GALNT17: variants seen among roughly 807,000 people sequenced by gnomAD.
GALNT17 encodes UDP-GalNAc:polypeptide N-acetylgalactosaminyltransferase-like 3.
GALNT17 carries 29 observed loss-of-function variants against 63.7 expected under a neutral mutation model. The observed-to-expected ratio is 0.46, with a 90% confidence interval of 0.34 to 0.62. The LOEUF (loss-of-function observed/expected upper bound fraction) is 0.62, where lower values mean the gene tolerates loss of function less well. Among genes scored for constraint, GALNT17 ranks in the 20% least tolerant of loss-of-function variants. The pLI is 0.01. For missense variants in GALNT17, 603 were observed against 799.6 expected, an observed-to-expected ratio of 0.75 and a Z score of 2.97; for synonymous variants, 305 against 318.3, an observed-to-expected ratio of 0.96 and a Z score of 0.45.
intron 5 of GALNT17, among the ~76,000 whole-genome samples, chr7:71,544,947 C>T (rs1395787264): frequency 6.6e-6 from 1 of 151,218 alleles, no homozygotes; most frequent in Non-Finnish European, 1.5e-5. Context: ...ATAAATTAAA[C>T]TTGAAAGCTT....
chr7:71,277,019 G>A (rs145859850), intron 1 of GALNT17, among the ~76,000 whole-genome samples: 5 of 151,896 alleles, frequency 3.3e-5, no homozygotes, highest in Admixed American at 1.3e-4. Context: ...AATAAATAAA[G>A]AAATAAATTA....
intron 1 of GALNT17, among the ~76,000 whole-genome samples, chr7:71,326,107 G>A (rs1036437819): frequency 5.9e-5 from 9 of 151,848 alleles, no homozygotes; most frequent in African/African-American, 1.7e-4. Flanking sequence ...ATTTTAGAAC[G>A]TTTTATTGTG....
At chr7:71,200,105 G>A (rs555112293) in intron 1 of GALNT17, among the ~76,000 whole-genome samples, 81 of 152,140 alleles carry the variant, frequency 5.3e-4, no homozygotes, top group African/African-American at 1.9e-3. Context: ...ACCTTTTGTT[G>A]AAAATCAATT....
At chr7:71,199,166 G>A (rs1444718793) in intron 1 of GALNT17, among the ~76,000 whole-genome samples, 1 of 152,156 alleles carries the variant, frequency 6.6e-6, no homozygotes, top group African/African-American at 2.4e-5. Context: ...CTTTGATTAG[G>A]TGGCCAAGGG....
chr7:71,361,481 CTTCAA>C (rs1792400223), intron 2 of GALNT17, among the ~76,000 whole-genome samples: 2 of 152,108 alleles, frequency 1.3e-5, no homozygotes, highest in African/African-American at 4.8e-5. Context: ...GGAAAGTCAT[CTTCAA>C]TTCAGTTCAA....
intron 3 of GALNT17, among the ~76,000 whole-genome samples, chr7:71,396,427 T>C (rs1793141148): frequency 6.6e-6 from 1 of 152,210 alleles, no homozygotes. Flanking sequence ...CAACTTACTG[T>C]AAATATGAGG....
At chr7:71,273,424 T>C (rs1790628241) in intron 1 of GALNT17, among the ~76,000 whole-genome samples, 1 of 152,248 alleles carries the variant, frequency 6.6e-6, no homozygotes. Flanking sequence ...TAATGAAATA[T>C]CGGCTAGATT....
chr7:71,298,499 G>A (rs941104912), intron 1 of GALNT17, among the ~76,000 whole-genome samples: 2 of 152,090 alleles, frequency 1.3e-5, no homozygotes, highest in African/African-American at 4.8e-5. Context: ...GGGCATGGAC[G>A]CGAGTCTTAC....
chr7:71,258,090 C>T (rs1790320559), intron 1 of GALNT17, among the ~76,000 whole-genome samples: 1 of 152,218 alleles, frequency 6.6e-6, no homozygotes, highest in Admixed American at 6.5e-5. Context: ...CACCCTCTTC[C>T]TTAATGGCTG....
chr7:71,308,775 G>A (rs999300954), intron 1 of GALNT17, among the ~76,000 whole-genome samples: 2 of 146,078 alleles, frequency 1.4e-5, no homozygotes, highest in African/African-American at 5.1e-5. Flanking sequence ...ACAGAGTCAA[G>A]CTCTGTTGCC....
chr7:71,494,874 G>A (rs548447285), intron 5 of GALNT17, among the ~76,000 whole-genome samples: 6 of 152,304 alleles, frequency 3.9e-5, no homozygotes, highest in South Asian at 2.1e-4. Flanking sequence ...GGGAACTCCC[G>A]TTTATACAAC....
intron 1 of GALNT17, among the ~76,000 whole-genome samples, chr7:71,214,189 T>G (rs2116400031): frequency 6.6e-6 from 1 of 152,352 alleles, no homozygotes; most frequent in South Asian, 2.1e-4. Context: ...GAAGTGAAAT[T>G]TGTCAGTGAG....
intron 1 of GALNT17, among the ~76,000 whole-genome samples, chr7:71,158,910 T>C (rs966433798): frequency 6.6e-6 from 1 of 151,930 alleles, no homozygotes; most frequent in Non-Finnish European, 1.5e-5. Context: ...GAAATGTTTC[T>C]TTGGTAAACT....
intron 1 of GALNT17, among the ~76,000 whole-genome samples, chr7:71,334,452 G>GGTGT (rs34233177): frequency 0.019 from 2,949 of 151,468 alleles, 75 homozygotes; most frequent in African/African-American, 0.068. Flanking sequence ...TGGATAAAGT[G>GGTGT]GTGTGTGTGT....
At chr7:71,549,708 C>T (rs1019912024) in intron 5 of GALNT17, among the ~76,000 whole-genome samples, 2 of 151,958 alleles carry the variant, frequency 1.3e-5, no homozygotes, top group African/African-American at 4.8e-5. Flanking sequence ...TTTCTGTTAT[C>T]ACAGCTTAGT....
intron 5 of GALNT17, among the ~76,000 whole-genome samples, chr7:71,553,528 GT>G (rs1262322349): frequency 6.6e-6 from 1 of 152,064 alleles, no homozygotes; most frequent in Non-Finnish European, 1.5e-5. Flanking sequence ...CAGAAAAGTT[GT>G]TTTTCATATT....
chr7:71,197,852 A>G (rs1585874865), intron 1 of GALNT17, among the ~76,000 whole-genome samples: 1 of 144,224 alleles, frequency 6.9e-6, no homozygotes, highest in African/African-American at 2.9e-5. Flanking sequence ...TCATCTGTTG[A>G]TGGATGATTA....
At chr7:71,543,588 T>C (rs1788929208) in intron 5 of GALNT17, among the ~76,000 whole-genome samples, 1 of 152,144 alleles carries the variant, frequency 6.6e-6, no homozygotes, top group African/African-American at 2.4e-5. Flanking sequence ...AAATCCAGGC[T>C]GTGATATCCA....
At chr7:71,226,223 G>A (rs539682635) in intron 1 of GALNT17, among the ~76,000 whole-genome samples, 6 of 152,286 alleles carry the variant, frequency 3.9e-5, no homozygotes, top group Non-Finnish European at 7.3e-5. Flanking sequence ...TGAGTAGGGC[G>A]CTTCTTTAAT....
Sources: gnomAD v4.1 joint callset for allele counts (sites outside exome capture counted in the v4.1 genomes callset) on GRCh38, gnomAD v4.1.1 for gene constraint, MANE v1.5 for transcripts, NCBI Gene and HGNC (gene_info 2026-07-23, HGNC 2026-07-21) for gene names.